The following NOS2 variants were observed in gnomAD, a reference collection of about 807,000 sequenced individuals.
The protein encoded by NOS2 is nitric oxide synthase 2, also known as nitric oxide synthase, inducible.
Under a neutral mutation model 136.0 loss-of-function variants are expected in NOS2, and 96 were observed. The ratio of observed to expected loss-of-function variants is 0.71; its 90% CI spans 0.60 to 0.84. The LOEUF (loss-of-function observed/expected upper bound fraction) is 0.84. Ranked by LOEUF, NOS2 falls within the 40% of genes least tolerant of loss-of-function variation. The pLI is 0.00. For missense variants in NOS2, 1,237 were observed against 1,496.9 expected, an observed-to-expected ratio of 0.83 and a Z score of 2.87; for synonymous variants, 539 against 587.5, an observed-to-expected ratio of 0.92 and a Z score of 1.20.
chr17:27,767,632 G>T (rs1338497297), intron 18 of NOS2, 73 bp downstream of exon 18: 5 of 1,540,832 alleles, frequency 3.2e-6, no homozygotes, highest in Non-Finnish European at 4.4e-6. Flanking sequence ...AGACCTGGGG[G>T]TCTCCTTGAC....
intron 2 of NOS2, among the ~76,000 whole-genome samples, chr17:27,794,833 T>C (rs1175956106): frequency 6.6e-6 from 1 of 152,148 alleles, no homozygotes; most frequent in South Asian, 2.1e-4. Context: ...CTGAACAGAT[T>C]AGAAAATTAC....
intron 16 of NOS2, 86 bp from the exon 17 acceptor site, chr17:27,769,237 G>A: frequency 7.7e-7 from 1 of 1,306,256 alleles, no homozygotes; most frequent in Non-Finnish European, 1.0e-6. Flanking sequence ...TGGAGAGCCA[G>A]CCCCAGACTC....
At chr17:27,760,454 G>C (rs1355586689) in intron 24 of NOS2, among the ~76,000 whole-genome samples, 169 bp downstream of exon 24, 2 of 152,232 alleles carry the variant, frequency 1.3e-5, no homozygotes, top group African/African-American at 4.8e-5. Context: ...GCTACTATGC[G>C]GGAGACGGAA....
chr17:27,763,633 C>A (rs1178370663), intron 21 of NOS2, among the ~76,000 whole-genome samples: 1 of 152,190 alleles, frequency 6.6e-6, no homozygotes, highest in Non-Finnish European at 1.5e-5. Flanking sequence ...GCCCATTTAT[C>A]CATTCATCCA....
At position 27,769,930 on chromosome 17, in the gene NOS2, G is replaced by C. The variant is rs201622915; in HGVS notation, c.1810-346C>G. Among the ~76,000 whole-genome samples the C allele has an allele frequency of 9.0e-4, 137 of 152,272 alleles. 1 individual carries two copies. The highest frequency in any genetic ancestry group is 6.8e-3 in the East Asian group (35 of 5,176). ...GCGCCGTGATTCTGTTTGGAACCCGGTAGAAGCAACAACAATTGGTCCTAC... is the reference window on the plus strand; with the variant it reads ...GCGCCGTGATTCTGTTTGGAACCCGCTAGAAGCAACAACAATTGGTCCTAC... On this transcript the variant is annotated intron_variant, in intron 15 of 26. Transcript: ENST00000313735.
At position 27,769,581 on chromosome 17, in the gene NOS2, G is replaced by A; in HGVS notation, c.1813C>T (p.Leu605=). The A allele has an allele frequency of 6.2e-7, 1 of 1,611,908 alleles. No individual in the cohort carries two copies. The highest frequency in any genetic ancestry group is 1.1e-5 in the South Asian group (1 of 91,030). Residue 605 remains leucine, a synonymous_variant, in exon 16 of 27, where the codon CTG becomes TTG. Coordinates refer to ENST00000313735, the MANE Select transcript of NOS2 (RefSeq NM_000625.4). ...NGDCPGNGEK[L]KKSLFMLKEL... is the part of the protein sequence containing the mutation. The stretch of plus-strand genomic sequence containing the variant: ...TTCAGCATGAAGAGCGATTTCTTCA[G>A]TTTCTAGAAAGAGAGGGAATGACAG...
chr17:27,793,760 C>T (rs1010042298), intron 2 of NOS2: 4 of 387,494 alleles, frequency 1.0e-5, no homozygotes, highest in African/African-American at 4.2e-5. Context: ...CTTTATCGCT[C>T]GGAGCCTGCA....
At chr17:27,798,355 T>G (rs1909419753) in intron 2 of NOS2, among the ~76,000 whole-genome samples, 1 of 152,110 alleles carries the variant, frequency 6.6e-6, no homozygotes, top group African/African-American at 2.4e-5. Context: ...CAGGCCAGGA[T>G]GCTGACCCTC....
Position 27,772,426 on chromosome 17 carries a change from A to G in NOS2, c.1586T>C (p.Met529Thr), listed in dbSNP as rs1336608327. Residue 529 changes from methionine to threonine, a missense_variant, in exon 14 of 27, where the codon ATG becomes ACG. Physicochemically the swap from Met to Thr is moderately conservative, Grantham distance 81 (BLOSUM62 -1). Coordinates refer to ENST00000313735, the MANE Select transcript of NOS2 (RefSeq NM_000625.4). Reference sequence around the variant, plus strand: ...GACTCGGGACGCCATTGTCTTGCGCATCAGCATACAGGCAAAGAGCACAGC... The same window carrying G: ...GACTCGGGACGCCATTGTCTTGCGCGTCAGCATACAGGCAAAGAGCACAGC... ...VKAVLFACML[M>T]RKTMASRVRV... The G allele has an allele frequency of 6.8e-6, 11 of 1,613,918 alleles. No homozygotes were observed. The highest frequency in any genetic ancestry group is 9.3e-6 in the Non-Finnish European group (11 of 1,180,040).
chr17:27,798,276 C>G (rs1909416826), intron 2 of NOS2, among the ~76,000 whole-genome samples: 1 of 152,228 alleles, frequency 6.6e-6, no homozygotes, highest in African/African-American at 2.4e-5. Flanking sequence ...ACTAGTTTGT[C>G]TAACATCCTG....
chr17:27,759,810 C>T (rs748809595), intron 25 of NOS2, among the ~76,000 whole-genome samples: 4 of 152,132 alleles, frequency 2.6e-5, no homozygotes, highest in Non-Finnish European at 4.4e-5. Context: ...GGGGTTAACC[C>T]GCGTGTGACC....
chr17:27,780,936 G>A, intron 8 of NOS2, 30 bp from the exon 9 acceptor site: 4 of 1,601,904 alleles, frequency 2.5e-6, no homozygotes, highest in East Asian at 2.2e-5. Flanking sequence ...CTGTGAGTCT[G>A]TAAGCCCGGG....
intron 2 of NOS2, among the ~76,000 whole-genome samples, chr17:27,795,255 G>A (rs1180160430): frequency 1.3e-5 from 2 of 152,154 alleles, no homozygotes; most frequent in African/African-American, 4.8e-5. Context: ...AGGCCCTCTG[G>A]GAGAGCACAG....
At chr17:27,768,831 G>T in intron 17 of NOS2, 146 bp downstream of exon 17, 2 of 851,932 alleles carry the variant, frequency 2.3e-6, no homozygotes, top group Admixed American at 3.0e-5. Flanking sequence ...AAGCCCTCAG[G>T]TTTGTGGCCC....
chr17:27,770,581 G>C (rs1908460051), intron 15 of NOS2, among the ~76,000 whole-genome samples: 1 of 152,210 alleles, frequency 6.6e-6, no homozygotes, highest in South Asian at 2.1e-4. Flanking sequence ...ATAGTATCTA[G>C]CTAAAATTCA....
Position 27,774,378 on chromosome 17 carries a change from C to T in NOS2, c.1355G>A (p.Arg452Gln), listed in dbSNP as rs112588673. The change falls in exon 12 of 27, where the codon CGG (arginine) becomes CAG (glutamine). Residue 452 changes from arginine to glutamine, a missense_variant. This residue lies in a region of NOS2 where 782 missense variants were observed against 909.9 expected (regional missense o/e 0.86). Coordinates refer to ENST00000313735, the MANE Select transcript of NOS2 (RefSeq NM_000625.4). The stretch of plus-strand genomic sequence containing the variant: ...GTCTGCCGGGCAGCCCCCACGGGAC[C>T]GGTATTCATTCTGCATGTACTTCAT... Reference protein sequence around the residue: ...SFMKYMQNEYRSRGGCPADWI... With the variant: ...SFMKYMQNEYQSRGGCPADWI... 3.0e-4 allele frequency: 467 copies of T among 1,581,710 alleles called. No individual in the cohort carries two copies. The highest frequency in any genetic ancestry group is 3.9e-4 in the Non-Finnish European group (451 of 1,163,932).
At chr17:27,768,769 T>A (rs1488078488) in intron 17 of NOS2, among the ~76,000 whole-genome samples, 5 of 152,170 alleles carry the variant, frequency 3.3e-5, no homozygotes, top group African/African-American at 1.2e-4. Flanking sequence ...CCCAGAGTTG[T>A]GTGCACAAGG....
intron 2 of NOS2, among the ~76,000 whole-genome samples, chr17:27,797,443 G>A (rs984134881): frequency 2.6e-5 from 4 of 152,240 alleles, no homozygotes; most frequent in Non-Finnish European, 5.9e-5. Flanking sequence ...GGAAATTGAG[G>A]CTCAGAGGCT....
In NOS2 at chr17:27,777,843, G is replaced by A. The variant is rs574785057; in HGVS notation, c.1281+847C>T. Among the ~76,000 whole-genome samples, 4 of 152,108 alleles carry A rather than the reference G, an allele frequency of 2.6e-5. No individual in the cohort carries two copies. In the East Asian group the frequency reaches 5.8e-4, roughly 22 times the overall value. On this transcript the variant is annotated intron_variant, in intron 11 of 26. Transcript: ENST00000313735. ...GCGGATCACTTGAGGCCAGGAGTTC[G>A]GAACCAACCTGGGCAACATGGAAAA...
Sources: allele counts gnomAD v4.1 joint callset (sites outside exome capture counted in the v4.1 genomes callset), GRCh38; gene constraint gnomAD v4.1.1; regional missense constraint gnomAD v4.1.1; transcripts MANE v1.5; gene names NCBI Gene and HGNC (gene_info 2026-07-23, HGNC 2026-07-21).